The following ANKMY1 variants were observed in gnomAD, a reference collection of about 807,000 sequenced individuals.
The protein encoded by ANKMY1 is ankyrin repeat and MYND domain containing 1.
A neutral mutation model predicts 102.0 loss-of-function variants in ANKMY1; 98 were observed. That is an observed-to-expected ratio of 0.96 (90% confidence interval 0.82 to 1.14). The LOEUF (loss-of-function observed/expected upper bound fraction) is 1.14. Among genes scored for constraint, ANKMY1 ranks in the 50% most tolerant of loss-of-function variants. The pLI is 0.00. For synonymous variants in ANKMY1, 582 were observed against 559.9 expected (o/e 1.04, Z -0.56); for missense variants, 1,330 against 1,347.6 (o/e 0.99, Z 0.20).
At chr2:240,518,512 G>A (rs1037200709) in intron 9 of ANKMY1, among the ~76,000 whole-genome samples, 1 of 152,174 alleles carries the variant, frequency 6.6e-6, no homozygotes, top group African/African-American at 2.4e-5. Flanking sequence ...CCCAATTAAA[G>A]CCTTCTTCTC....
intron 13 of ANKMY1, 128 bp downstream of exon 13, chr2:240,507,432 C>T: frequency 1.7e-6 from 2 of 1,172,710 alleles, no homozygotes; most frequent in Non-Finnish European, 2.3e-6. Flanking sequence ...CCCTTATACC[C>T]CTCACCCAGG....
intron 15 of ANKMY1, among the ~76,000 whole-genome samples, chr2:240,494,356 AC>A (rs2076990040): frequency 6.6e-6 from 1 of 152,050 alleles, no homozygotes; most frequent in Non-Finnish European, 1.5e-5. Context: ...TGCCACCCTG[AC>A]TGCATCAGCC....
At chr2:240,531,644 G>A (rs184470605) in intron 4 of ANKMY1, among the ~76,000 whole-genome samples, 20 of 152,084 alleles carry the variant, frequency 1.3e-4, no homozygotes, top group East Asian at 3.9e-4. Context: ...TACTACACCC[G>A]GTAAAATTGT....
chr2:240,500,239 C>G (rs1370111430), intron 14 of ANKMY1, 116 bp from the exon 15 acceptor site: 1 of 1,324,552 alleles, frequency 7.5e-7, no homozygotes, highest in African/African-American at 1.5e-5. Context: ...GAGGACGAAC[C>G]CAGACAGACA....
chr2:240,560,814 G>T, upstream of ANKMY1: 1 of 1,438,190 alleles, frequency 7.0e-7, no homozygotes, highest in Non-Finnish European at 9.1e-7. Context: ...GGCGCGCGCG[G>T]GAGTCACGCT....
At chr2:240,542,427 C>G (rs11691764) in intron 4 of ANKMY1, among the ~76,000 whole-genome samples, 24,929 of 151,834 alleles carry the variant, frequency 0.16, 2,197 homozygotes, top group Middle Eastern at 0.3. Context: ...TCACTTGAAC[C>G]TGGGAGGTGG....
Position 240,480,921 on chromosome 2 carries a change from C to G in ANKMY1, c.3046+16G>C, listed in dbSNP as rs1186455722. 6.2e-7 allele frequency: 1 copy of G among 1,600,142 alleles called. No individual in the cohort carries two copies. The highest frequency in any genetic ancestry group is 8.6e-7 in the Non-Finnish European group (1 of 1,168,970). The stretch of plus-strand genomic sequence containing the variant: ...AGCAGCGGAACCCTTGCCTCCCAGC[C>G]TGAGGGCCGACCTACCGATGGCCAC... On this transcript the variant is annotated intron_variant, in intron 17 of 17. Coordinates refer to ENST00000401804, the MANE Select transcript of ANKMY1 (RefSeq NM_001282771.3).
intron 5 of ANKMY1, among the ~76,000 whole-genome samples, chr2:240,528,474 T>C (rs2084421597): frequency 1.3e-5 from 2 of 151,950 alleles, no homozygotes; most frequent in South Asian, 4.2e-4. Context: ...CTCCCACCCT[T>C]AGCTCTCATG....
At position 240,529,343 on chromosome 2, in the gene ANKMY1, T is replaced by C; in HGVS notation, c.647A>G (p.His216Arg). 1 of 1,614,116 alleles carries C rather than the reference T, an allele frequency of 6.2e-7. No individual in the cohort carries two copies. The highest frequency in any genetic ancestry group is 8.5e-7 in the Non-Finnish European group (1 of 1,180,020). Reference protein sequence around the residue: ...RYPEFSSFITHSPARISLSEE... With the variant: ...RYPEFSSFITRSPARISLSEE... ...TGAGAGGCTGATCCTGGCAGGGCTGTGGGTGATGAAGCTGGAGAACTCAGG... is the reference window on the plus strand; with the variant it reads ...TGAGAGGCTGATCCTGGCAGGGCTGCGGGTGATGAAGCTGGAGAACTCAGG... The change falls in exon 5 of 18, where the codon CAC (histidine) becomes CGC (arginine). Residue 216 changes from histidine (H) to arginine (R), a missense_variant. Physicochemically the swap from His to Arg is conservative, Grantham distance 29. Coordinates refer to ENST00000401804, the MANE Select transcript of ANKMY1 (RefSeq NM_001282771.3). The surrounding 1 kb of genome is among the most constrained non-coding windows in gnomAD (Gnocchi z 4.2).
the ANKMY1 span, among the ~76,000 whole-genome samples, chr2:240,469,275 C>T: frequency 4.7e-3 from 711 of 152,166 alleles, 6 homozygotes; most frequent in African/African-American, 0.016. Context: ...GCCGACACCA[C>T]GCCAGGAGTG....
the ANKMY1 span, among the ~76,000 whole-genome samples, chr2:240,473,435 T>C: frequency 2.0e-5 from 3 of 146,886 alleles, no homozygotes; most frequent in African/African-American, 7.6e-5. Flanking sequence ...GAAGAAAGAA[T>C]TGGTAAACTT....
intron 9 of ANKMY1, among the ~76,000 whole-genome samples, chr2:240,519,434 A>C (rs569851932): frequency 1.3e-5 from 2 of 152,234 alleles, no homozygotes; most frequent in East Asian, 3.8e-4. Flanking sequence ...GCTTGCTGTC[A>C]TACTTCCATC....
intron 15 of ANKMY1, among the ~76,000 whole-genome samples, chr2:240,483,734 G>A (rs11674700): frequency 0.25 from 38,202 of 151,876 alleles, 5,749 homozygotes; most frequent in East Asian, 0.67. Context: ...TTTGCAGAAC[G>A]TGCAGGTTTG....
intron 17 of ANKMY1, 57 bp from the exon 18 acceptor site, chr2:240,479,712 C>T (rs554297455): frequency 7.5e-5 from 115 of 1,525,146 alleles, no homozygotes; most frequent in Non-Finnish European, 9.1e-5. Flanking sequence ...TGGCCTCCCC[C>T]GAGGCCTGGC....
intron 4 of ANKMY1, among the ~76,000 whole-genome samples, chr2:240,549,213 T>C (rs983430419): frequency 6.6e-6 from 1 of 151,338 alleles, no homozygotes; most frequent in African/African-American, 2.4e-5. Context: ...TAACGCCGCA[T>C]ATCTACAACT....
chr2:240,558,943 T>C (rs1240832524), upstream of ANKMY1, among the ~76,000 whole-genome samples: 2 of 152,216 alleles, frequency 1.3e-5, no homozygotes, highest in Non-Finnish European at 2.9e-5. Context: ...ATGTAGTCTA[T>C]TATTTCTCTA....
chr2:240,496,801 G>A (rs2077326069), intron 15 of ANKMY1, among the ~76,000 whole-genome samples: 1 of 152,172 alleles, frequency 6.6e-6, no homozygotes, highest in South Asian at 2.1e-4. Context: ...GGTATAAATG[G>A]CTTCCTAGAC....
intron 15 of ANKMY1, among the ~76,000 whole-genome samples, chr2:240,484,834 A>C (rs1409419671): frequency 6.6e-6 from 1 of 152,208 alleles, no homozygotes; most frequent in East Asian, 1.9e-4. Context: ...GAATCTACAA[A>C]GAAGTAAACA....
upstream of ANKMY1, chr2:240,560,371 A>C: frequency 4.0e-6 from 1 of 250,752 alleles, no homozygotes; most frequent in Non-Finnish European, 7.5e-6. Flanking sequence ...ACGCAAGCCC[A>C]GTGCCACAGG....
Sources: gnomAD v4.1 joint callset for allele counts (sites outside exome capture counted in the v4.1 genomes callset) on GRCh38, gnomAD v4.1.1 for gene constraint, Gnocchi (gnomAD v3.1) non-coding constraint, MANE v1.5 for transcripts, NCBI Gene and HGNC (gene_info 2026-07-23, HGNC 2026-07-21) for gene names.